The following CDK13 variants were observed in gnomAD, a reference collection of about 807,000 sequenced individuals.
CDK13 encodes the protein cyclin dependent kinase 13, also known as cyclin-dependent kinase 13.
A neutral mutation model predicts 137.6 loss-of-function variants in CDK13; 40 were observed. The ratio of observed to expected loss-of-function variants is 0.29; its 90% CI spans 0.23 to 0.38. The LOEUF (loss-of-function observed/expected upper bound fraction) is 0.38. Ranked by LOEUF, CDK13 falls within the 10% of genes least tolerant of loss-of-function variation. The probability of loss-of-function intolerance (pLI) is 1.00; values close to 1 mark genes in which losing one functional copy is unlikely to be tolerated. For synonymous variants in CDK13, 869 were observed against 760.1 expected (o/e 1.14, Z -2.36); for missense variants, 1,704 against 1,951.8 (o/e 0.87, Z 2.39).
chr7:40,029,620 TGA>T (rs371626943), intron 5 of CDK13, among the ~76,000 whole-genome samples: 469 of 144,428 alleles, frequency 3.2e-3, no homozygotes, highest in Non-Finnish European at 3.3e-3. Flanking sequence ...CTCGGGAGGC[TGA>T]GAGAGAGAGA....
intron 9 of CDK13, among the ~76,000 whole-genome samples, chr7:40,073,411 G>C (rs1267016661): frequency 6.6e-6 from 1 of 151,992 alleles, no homozygotes; most frequent in Non-Finnish European, 1.5e-5. Flanking sequence ...AGGCTGAGAT[G>C]GGAGGATTGC....
Position 40,095,164 on chromosome 7 carries a change from G to A in CDK13, c.*184G>A, listed in dbSNP as rs1787021344. 2.3e-6 allele frequency: 1 copy of A among 428,634 alleles called. No homozygotes were observed. The highest frequency in any genetic ancestry group is 6.3e-4 in the Middle Eastern group (1 of 1,600). 26.6% of individuals were successfully genotyped at this position (428,634 alleles called of 1,614,324 possible). On this transcript the variant is annotated 3_prime_UTR_variant, in exon 14 of 14. Transcript: ENST00000181839. Reference sequence around the variant, plus strand: ...AAAAACCTTTGCTTAAATTCATGCTGTTCTAAAAACTAGATCGATTGTACA... The same window carrying A: ...AAAAACCTTTGCTTAAATTCATGCTATTCTAAAAACTAGATCGATTGTACA...
chr7:39,956,574 A>G (rs946855019), intron 1 of CDK13, among the ~76,000 whole-genome samples: 16 of 152,088 alleles, frequency 1.1e-4, no homozygotes, highest in Admixed American at 5.9e-4. Flanking sequence ...TAGAATTATT[A>G]TTAGAATAAA....
At chr7:40,010,148 AT>A in intron 5 of CDK13, among the ~76,000 whole-genome samples, 1 of 152,124 alleles carries the variant, frequency 6.6e-6, no homozygotes, top group East Asian at 1.9e-4. Flanking sequence ...ACAACTCACC[AT>A]AATGTTGAAT....
intron 5 of CDK13, among the ~76,000 whole-genome samples, chr7:40,022,958 G>A (rs1244030888): frequency 1.3e-5 from 2 of 150,478 alleles, no homozygotes. Context: ...GTTTTCTCAA[G>A]TAAAGATCAA....
At chr7:40,065,325 A>G (rs1035226794) in intron 9 of CDK13, among the ~76,000 whole-genome samples, 2 of 152,120 alleles carry the variant, frequency 1.3e-5, no homozygotes, top group African/African-American at 4.8e-5. Flanking sequence ...TACATATGCT[A>G]AAAAATCCTG....
chr7:40,028,441 A>G (rs759264103), intron 5 of CDK13, among the ~76,000 whole-genome samples: 4 of 151,882 alleles, frequency 2.6e-5, no homozygotes, highest in Non-Finnish European at 4.4e-5. Context: ...GATGGTCTTA[A>G]TCTCTTGACC....
chr7:40,078,124 A>G lies in CDK13; in HGVS notation c.2897+3A>G. 6.3e-6 allele frequency: 9 copies of G among 1,439,738 alleles called. No homozygotes were observed. Among genetic ancestry groups the G allele is most frequent in the Non-Finnish European group, 7.7e-6 (8 of 1,040,000 alleles). 89.2% of individuals were successfully genotyped at this position (1,439,738 alleles called of 1,614,324 possible). A position where few individuals can be genotyped will look rare whatever the true frequency, so the allele number is the denominator to read the frequency against. ...AAGTTAAGAGAAGAATTTGTTTTGT[A>G]AGAAGGGGATGTGTAAACATCCTTA... On this transcript the variant is annotated splice_donor_region_variant and intron_variant, in intron 10 of 13. Transcript: ENST00000181839.
intron 9 of CDK13, chr7:40,070,676 C>A (rs1304202085): frequency 6.6e-6 from 1 of 152,474 alleles, no homozygotes; most frequent in Admixed American, 6.5e-5. Flanking sequence ...CGTGCCACTG[C>A]ACTCCAGCCT....
rs201950690 is a variant in CDK13, at chr7:40,093,191, G to A, written c.3642G>A (p.Ala1214=). The A allele has an allele frequency of 2.7e-5, 44 of 1,613,906 alleles. No homozygotes were observed. Among genetic ancestry groups the A allele is most frequent in the African/African-American group, 2.0e-4 (15 of 75,042 alleles). Reference sequence around the variant, plus strand: ...GGGAAAATGGATCGGGACATGAAGCGTCATTACAACTCAGGCCACCTCCAG... The same window carrying A: ...GGGAAAATGGATCGGGACATGAAGCATCATTACAACTCAGGCCACCTCCAG... ...EERENGSGHE[A]SLQLRPPPEP... The change falls in exon 13 of 14, where the codon GCG becomes GCA. Residue 1214 remains alanine (A), a synonymous_variant. Transcript: ENST00000181839.
chr7:40,008,042 C>G (rs749603065), intron 5 of CDK13, among the ~76,000 whole-genome samples: 2 of 152,116 alleles, frequency 1.3e-5, no homozygotes, highest in Non-Finnish European at 2.9e-5. Flanking sequence ...AAATTATTTA[C>G]CTTGTGTTTT....
rs17496116 is a variant in CDK13 at position 39,950,535 on chromosome 7, G to T, written c.-107G>T. On this transcript the variant is annotated 5_prime_UTR_variant, in exon 1 of 14. Transcript: ENST00000181839. Reference sequence around the variant, plus strand: ...GGCGCTTTTCCCGGCCGGCTCTGGTGCTCGGTGTCCCTCCGCCGCCGCTCC... The same window carrying T: ...GGCGCTTTTCCCGGCCGGCTCTGGTTCTCGGTGTCCCTCCGCCGCCGCTCC... The T allele has an allele frequency of 6.2e-3, 7,908 of 1,270,208 alleles. 372 individuals carry two copies. In the African/African-American group the frequency reaches 0.11, roughly 17 times the overall value. 78.7% of individuals were successfully genotyped at this position (1,270,208 alleles called of 1,614,324 possible). A position where few individuals can be genotyped will look rare whatever the true frequency, so the allele number is the denominator to read the frequency against.
chr7:40,024,056 A>G (rs1245295791), intron 5 of CDK13, among the ~76,000 whole-genome samples: 1 of 152,190 alleles, frequency 6.6e-6, no homozygotes, highest in East Asian at 1.9e-4. Flanking sequence ...TTAACTTTCC[A>G]TGTATTTACC....
intron 5 of CDK13, among the ~76,000 whole-genome samples, chr7:40,019,711 T>G (rs1297392035): frequency 2.0e-5 from 3 of 152,222 alleles, no homozygotes; most frequent in Non-Finnish European, 4.4e-5. Context: ...AGTTGGCACA[T>G]GAAATTAACC....
At chr7:40,064,277 T>G (rs1419355390) in intron 9 of CDK13, among the ~76,000 whole-genome samples, 3 of 137,970 alleles carry the variant, frequency 2.2e-5, no homozygotes, top group Non-Finnish European at 4.6e-5. Context: ...AGAGCGAAAT[T>G]ATGTCTCAAA....
At chr7:40,090,830 C>T (rs1786905070) in intron 12 of CDK13, among the ~76,000 whole-genome samples, 1 of 152,176 alleles carries the variant, frequency 6.6e-6, no homozygotes, top group Non-Finnish European at 1.5e-5. Flanking sequence ...TGAGATTGTG[C>T]CACTGGCACT....
At chr7:39,965,788 C>T (rs1381819766) in intron 1 of CDK13, among the ~76,000 whole-genome samples, 2 of 152,176 alleles carry the variant, frequency 1.3e-5, no homozygotes, top group Non-Finnish European at 2.9e-5. Flanking sequence ...GTGCTTCCTT[C>T]AGGAGCTCTT....
intron 1 of CDK13, among the ~76,000 whole-genome samples, chr7:39,954,636 C>T (rs1028458311): frequency 4.6e-5 from 7 of 152,120 alleles, no homozygotes; most frequent in Non-Finnish European, 5.9e-5. Flanking sequence ...TTAATACAGA[C>T]CATGTGTAAT....
chr7:40,069,171 G>T, intron 9 of CDK13: 2 of 371,046 alleles, frequency 5.4e-6, no homozygotes, highest in Non-Finnish European at 5.3e-6. Flanking sequence ...GGAGGTCGAG[G>T]CTACAGTGAA....
Sources: allele counts gnomAD v4.1 joint callset (sites outside exome capture counted in the v4.1 genomes callset), GRCh38; gene constraint gnomAD v4.1.1; transcripts MANE v1.5; gene names NCBI Gene and HGNC (gene_info 2026-07-23, HGNC 2026-07-21).